DMGDH: variants seen among roughly 807,000 people sequenced by gnomAD.
DMGDH encodes dimethylglycine dehydrogenase, mitochondrial.
A neutral mutation model predicts 95.2 loss-of-function variants in DMGDH; 76 were observed. The observed-to-expected ratio is 0.80, with a 90% CI of 0.66 to 0.97. DMGDH has a LOEUF of 0.97. Among genes scored for constraint, DMGDH ranks in the 50% least tolerant of loss-of-function variants. The pLI is 0.00. For missense variants in DMGDH, 987 were observed against 1,055.0 expected (o/e 0.94, Z 0.89); for synonymous variants, 345 against 377.6 (o/e 0.91, Z 1.00).
In DMGDH at chr5:79,063,802, G is replaced by T. The variant is rs1288715656; in HGVS notation, c.102-15C>A. The T allele has an allele frequency of 1.2e-6, 2 of 1,613,900 alleles. No homozygotes were observed. Among genetic ancestry groups the T allele is most frequent in the Admixed American group, 3.3e-5 (2 of 60,022 alleles). On this transcript the variant is annotated splice_polypyrimidine_tract_variant and intron_variant, in intron 1 of 15. Coordinates refer to ENST00000255189, the MANE Select transcript of DMGDH (RefSeq NM_013391.3). ...GTTTTTCCTCTCTGGAAGAGGGAAA[G>T]TTAAAATGGGAACTTCAATCGGCAA... is the stretch of plus-strand genomic sequence containing the variant.
intron 2 of DMGDH, among the ~76,000 whole-genome samples, chr5:79,062,724 C>T (rs181170642): frequency 9.9e-4 from 150 of 152,266 alleles, no homozygotes; most frequent in African/African-American, 3.4e-3. Context: ...TCATGTAACA[C>T]AAAAGCTGTG....
At chr5:79,000,661 G>T in intron 15 of DMGDH, 1 of 610,304 alleles carries the variant, frequency 1.6e-6, no homozygotes, top group Non-Finnish European at 3.2e-6. Context: ...CTCTGGGCCT[G>T]GTTCTGTCAT....
At chr5:79,024,098 TA>T (rs1753932192) in intron 14 of DMGDH, among the ~76,000 whole-genome samples, 172 bp downstream of exon 14, 1 of 152,260 alleles carries the variant, frequency 6.6e-6, no homozygotes, top group South Asian at 2.1e-4. Flanking sequence ...TAGTTTGAAC[TA>T]AGCAAATGTT....
intron 4 of DMGDH, 124 bp from the exon 5 acceptor site, chr5:79,051,615 G>A: frequency 7.7e-6 from 7 of 911,644 alleles, no homozygotes; most frequent in Non-Finnish European, 1.2e-5. Flanking sequence ...TCTGGAAAGT[G>A]ACTGGGTCCC....
chr5:79,021,781 A>G lies in DMGDH; in HGVS notation c.2250+2490T>C, dbSNP rs1753873686. ...AAACAATATATGTTACCAGAGAGAG[A>G]AATTCTTGGGCAGTCTTTCAAGTCT... On this transcript the variant is annotated intron_variant, in intron 14 of 15. Transcript: ENST00000255189. 4 of 1,197,196 alleles carry G rather than the reference A, an allele frequency of 3.3e-6. No homozygotes were observed. In the South Asian group the frequency reaches 5.1e-5, roughly 15 times the overall value. The allele number at this position is 1,197,196 out of a possible 1,614,324, so 74.2% of individuals were successfully genotyped here. A position where few individuals can be genotyped will look rare whatever the true frequency, so the allele number is the denominator to read the frequency against.
Position 79,028,499 on chromosome 5 carries a change from A to G in DMGDH, c.1966T>C (p.Phe656Leu), listed in dbSNP as rs200655131. The G allele has an allele frequency of 6.2e-7, 1 of 1,614,164 alleles. No homozygotes were observed. Among genetic ancestry groups the G allele is most frequent in the African/African-American group, 1.3e-5 (1 of 75,052 alleles). Residue 656 changes from phenylalanine (F) to leucine (L), a missense_variant, in exon 12 of 16, where the codon TTT becomes CTT. Phe to Leu is a conservative substitution (Grantham distance 22). Coordinates refer to ENST00000255189, the MANE Select transcript of DMGDH (RefSeq NM_013391.3). ...ACCTTTAAGGACTTGGTTTGAAGAA[A>G]CTTGAAAACATCATCACTAAGATCT... ...SEDLSDDVFK[F>L]LQTKSLKVSN... is the part of the protein sequence containing the mutation.
At chr5:79,007,151 G>A (rs1012197092) in intron 14 of DMGDH, among the ~76,000 whole-genome samples, 3 of 152,190 alleles carry the variant, frequency 2.0e-5, no homozygotes, top group Admixed American at 2.0e-4. Context: ...CACAGGAAGA[G>A]CTTGATTCAT....
In DMGDH at chr5:78,998,044, T is replaced by C. The variant is rs747785698; in HGVS notation, c.*38A>G. The C allele has an allele frequency of 1.1e-5, 17 of 1,602,556 alleles. No homozygotes were observed. The highest frequency in any genetic ancestry group is 1.7e-5 in the Admixed American group (1 of 59,972). ...TTATAATAATTTCAAGGACAGTCAT[T>C]AGCAACTCTAATTCAGTTGACTGCT... On this transcript the variant is annotated 3_prime_UTR_variant, in exon 16 of 16. Coordinates refer to ENST00000255189, the MANE Select transcript of DMGDH (RefSeq NM_013391.3).
At chr5:79,021,410 A>G in intron 14 of DMGDH, 1 of 1,187,992 alleles carries the variant, frequency 8.4e-7, no homozygotes, top group Non-Finnish European at 1.1e-6. Context: ...AATGTCTACT[A>G]GATGAACGGA....
chr5:79,063,927 G>A (rs535459462), intron 1 of DMGDH, 140 bp from the exon 2 acceptor site: 1 of 976,642 alleles, frequency 1.0e-6, no homozygotes, highest in South Asian at 1.4e-5. Context: ...TTAATAATTT[G>A]GAGCATCTAA....
At chr5:79,040,431 T>G (rs779649635) in intron 7 of DMGDH, among the ~76,000 whole-genome samples, 1 of 152,266 alleles carries the variant, frequency 6.6e-6, no homozygotes, top group Non-Finnish European at 1.5e-5. Flanking sequence ...GTTGGACACC[T>G]ACCTCACGTC....
chr5:79,010,057 T>C (rs1753620904), intron 14 of DMGDH, among the ~76,000 whole-genome samples: 1 of 152,210 alleles, frequency 6.6e-6, no homozygotes, highest in Admixed American at 6.5e-5. Context: ...CTTCTGTTTT[T>C]AAAATTTATT....
At chr5:79,050,054 C>T (rs984003855) in intron 5 of DMGDH, among the ~76,000 whole-genome samples, 1 of 151,200 alleles carries the variant, frequency 6.6e-6, no homozygotes, top group African/African-American at 2.4e-5. Context: ...GTCAGGAGTT[C>T]GAGAGGAGCC....
chr5:79,005,177 A>T, intron 15 of DMGDH, 96 bp downstream of exon 15: 1 of 1,547,818 alleles, frequency 6.5e-7, no homozygotes, highest in Non-Finnish European at 8.9e-7. Flanking sequence ...CCAACAAATA[A>T]TTAATAGCAA....
chr5:79,013,174 A>C (rs1322454328), intron 14 of DMGDH, among the ~76,000 whole-genome samples: 2 of 152,192 alleles, frequency 1.3e-5, no homozygotes, highest in Non-Finnish European at 2.9e-5. Flanking sequence ...GCCAGGCCAC[A>C]TCTTGAATGC....
chr5:79,004,892 A>T (rs1362713638), intron 15 of DMGDH, among the ~76,000 whole-genome samples: 1 of 152,170 alleles, frequency 6.6e-6, no homozygotes, highest in Non-Finnish European at 1.5e-5. Context: ...CCTCCTTCTG[A>T]AAGATCCATA....
chr5:79,062,470 C>T (rs1467418509), intron 2 of DMGDH, among the ~76,000 whole-genome samples: 1 of 150,894 alleles, frequency 6.6e-6, no homozygotes, highest in African/African-American at 2.4e-5. Context: ...CCAAGGAAGG[C>T]TAATGATGAA....
intron 14 of DMGDH, among the ~76,000 whole-genome samples, chr5:79,022,989 G>C (rs1753904530): frequency 6.6e-6 from 1 of 152,174 alleles, no homozygotes; most frequent in South Asian, 2.1e-4. Context: ...TGCTTTCTCT[G>C]GTCTGGAGGC....
At chr5:79,031,308 G>A (rs575640627) in intron 9 of DMGDH, among the ~76,000 whole-genome samples, 1 of 152,304 alleles carries the variant, frequency 6.6e-6, no homozygotes, top group South Asian at 2.1e-4. Flanking sequence ...AAGTCAACCA[G>A]TCTGGTGGTT....
Sources: gnomAD v4.1 joint callset for allele counts (sites outside exome capture counted in the v4.1 genomes callset) on GRCh38, gnomAD v4.1.1 for gene constraint, MANE v1.5 for transcripts, NCBI Gene and HGNC (gene_info 2026-07-23, HGNC 2026-07-21) for gene names.